Variants in CADM2 observed in about 807,000 individuals in gnomAD.
CADM2 encodes the protein cell adhesion molecule 2, also known as immunoglobulin superfamily member 4D.
Under a neutral mutation model 49.8 loss-of-function variants are expected in CADM2, and 12 were observed. The ratio of observed to expected loss-of-function variants is 0.24; its 90% CI spans 0.15 to 0.39. CADM2 has a LOEUF of 0.39. Ranked by LOEUF, CADM2 falls within the 10% of genes least tolerant of loss-of-function variation. The probability of loss-of-function intolerance (pLI) is 1.00; values close to 1 mark genes in which losing one functional copy is unlikely to be tolerated. For synonymous variants in CADM2, 214 were observed against 175.4 expected (o/e 1.22, Z -1.74); for missense variants, 378 against 492.3 (o/e 0.77, Z 2.20).
intron 1 of CADM2, among the ~76,000 whole-genome samples, chr3:85,720,864 G>A (rs2067479158): frequency 6.6e-6 from 1 of 152,120 alleles, no homozygotes; most frequent in Non-Finnish European, 1.5e-5. Flanking sequence ...CAGTAATAAT[G>A]TACTATCTGA....
intron 1 of CADM2, among the ~76,000 whole-genome samples, chr3:85,242,384 A>G (rs2042551113): frequency 6.6e-6 from 1 of 151,614 alleles, no homozygotes; most frequent in Non-Finnish European, 1.5e-5. Flanking sequence ...CTTTATTCTG[A>G]CAATTATGGC....
intron 1 of CADM2, among the ~76,000 whole-genome samples, chr3:85,447,011 T>TGTATTGC (rs2037497125): frequency 7.1e-6 from 1 of 141,402 alleles, no homozygotes; most frequent in Non-Finnish European, 1.5e-5. Flanking sequence ...TATATATATA[T>TGTATTGC]ATATATATAT....
At chr3:86,037,806 C>G (rs574176547) in intron 8 of CADM2, among the ~76,000 whole-genome samples, 2 of 152,154 alleles carry the variant, frequency 1.3e-5, no homozygotes, top group East Asian at 3.9e-4. Flanking sequence ...GCTAAGAGTT[C>G]TGTTAAGTTG....
Position 85,145,445 on chromosome 3 carries a change from C to T in CADM2, c.61+185777C>T, listed in dbSNP as rs74912492. ...CACAGTATTTTCTGTCTCCTGGTGT[C>T]CCTGTGTAGAACTAAATCACAGTCT... On this transcript the variant is annotated intron_variant, in intron 1 of 9. Transcript: ENST00000383699. Among the ~76,000 whole-genome samples the T allele has an allele frequency of 7.1e-3, 1,076 of 151,986 alleles. 1 individual carries two copies. Among genetic ancestry groups the T allele is most frequent in the Non-Finnish European group, 0.01 (710 of 67,950 alleles).
At chr3:85,608,796 C>T (rs1375563) in intron 1 of CADM2, among the ~76,000 whole-genome samples, 118,533 of 151,918 alleles carry the variant, frequency 0.78, 48,542 homozygotes, top group East Asian at 0.91. Flanking sequence ...TTGAAGTTAC[C>T]TTAGGGTAAG....
intron 2 of CADM2, among the ~76,000 whole-genome samples, chr3:85,743,525 C>A (rs1388045604): frequency 6.6e-6 from 1 of 152,148 alleles, no homozygotes; most frequent in Non-Finnish European, 1.5e-5. Flanking sequence ...TTGTATAGAA[C>A]TACAAGAGAC....
At chr3:85,745,709 T>A (rs564488283) in intron 2 of CADM2, among the ~76,000 whole-genome samples, 88 of 152,162 alleles carry the variant, frequency 5.8e-4, no homozygotes, top group African/African-American at 2.0e-3. Context: ...CTACAAAAAA[T>A]TAAAAATTAT....
intron 1 of CADM2, among the ~76,000 whole-genome samples, chr3:85,402,054 C>T (rs898832637): frequency 1.3e-5 from 2 of 151,956 alleles, no homozygotes; most frequent in African/African-American, 4.8e-5. Flanking sequence ...CATAGAAATA[C>T]GTTATTTCTA....
intron 1 of CADM2, among the ~76,000 whole-genome samples, chr3:85,297,205 T>C (rs1375297334): frequency 6.6e-6 from 1 of 152,118 alleles, no homozygotes; most frequent in Non-Finnish European, 1.5e-5. Context: ...TAATTTGTCT[T>C]AAGATCATGG....
At chr3:85,429,225 G>A (rs2107517131) in intron 1 of CADM2, among the ~76,000 whole-genome samples, 1 of 152,110 alleles carries the variant, frequency 6.6e-6, no homozygotes, top group East Asian at 1.9e-4. Context: ...CTAATAATCT[G>A]TACGTGTTTA....
intron 8 of CADM2, among the ~76,000 whole-genome samples, chr3:85,972,611 TC>T (rs1324010280): frequency 6.6e-6 from 1 of 151,700 alleles, no homozygotes; most frequent in Non-Finnish European, 1.5e-5. Context: ...GTTTCGAAAA[TC>T]CATTCTGAAT....
chr3:85,565,153 A>G (rs1292150978), intron 1 of CADM2, among the ~76,000 whole-genome samples: 3 of 151,966 alleles, frequency 2.0e-5, no homozygotes, highest in Admixed American at 6.6e-5. Context: ...ATTGAATAGC[A>G]TTGTTTATAA....
intron 1 of CADM2, among the ~76,000 whole-genome samples, chr3:85,154,525 A>G (rs1001025124): frequency 1.3e-5 from 2 of 152,120 alleles, no homozygotes; most frequent in South Asian, 4.2e-4. Flanking sequence ...GCAGGATATT[A>G]TCCGTGAGAA....
At chr3:85,765,771 T>G (rs1051426278) in intron 2 of CADM2, among the ~76,000 whole-genome samples, 1 of 152,088 alleles carries the variant, frequency 6.6e-6, no homozygotes, top group African/African-American at 2.4e-5. Flanking sequence ...TTGTATCTTA[T>G]TGAGTATATG....
intron 1 of CADM2, among the ~76,000 whole-genome samples, chr3:85,537,342 A>T (rs900609784): frequency 3.3e-5 from 5 of 152,066 alleles, no homozygotes; most frequent in Non-Finnish European, 5.9e-5. Flanking sequence ...AAACATTTTT[A>T]AAAAATTAGC....
At chr3:85,922,578 T>C (rs1283844744) in intron 6 of CADM2, among the ~76,000 whole-genome samples, 1 of 152,064 alleles carries the variant, frequency 6.6e-6, no homozygotes, top group Non-Finnish European at 1.5e-5. Context: ...GCATGCATGA[T>C]CCTGAAATAT....
chr3:85,949,468 A>T (rs1382574862), intron 7 of CADM2, among the ~76,000 whole-genome samples: 1 of 151,264 alleles, frequency 6.6e-6, no homozygotes, highest in Non-Finnish European at 1.5e-5. Context: ...GTGAAACAAC[A>T]CTATATAAAA....
intron 1 of CADM2, among the ~76,000 whole-genome samples, chr3:84,964,147 G>C (rs915622458): frequency 1.3e-5 from 2 of 152,254 alleles, no homozygotes; most frequent in Non-Finnish European, 2.9e-5. Flanking sequence ...ATCTGTTCTT[G>C]TGTCCTTCAT....
At chr3:85,601,173 T>TATATATACACACAC (rs1469920736) in intron 1 of CADM2, among the ~76,000 whole-genome samples, 1 of 99,454 alleles carries the variant, frequency 1.0e-5, no homozygotes, top group Non-Finnish European at 1.9e-5. Context: ...TATATATATA[T>TATATATACACACAC]ACACACACAC....
Sources: gnomAD v4.1 joint callset for allele counts (sites outside exome capture counted in the v4.1 genomes callset) on GRCh38, gnomAD v4.1.1 for gene constraint, MANE v1.5 for transcripts, NCBI Gene and HGNC (gene_info 2026-07-23, HGNC 2026-07-21) for gene names.